The following CNTN5 variants were observed in gnomAD, a reference collection of about 807,000 sequenced individuals.
The protein encoded by CNTN5 is contactin 5, also known as contactin-5.
A neutral mutation model predicts 129.1 loss-of-function variants in CNTN5; 77 were observed. The observed-to-expected ratio is 0.60, with a 90% CI of 0.50 to 0.72. The LOEUF is 0.72. CNTN5 is among the 30% of genes least tolerant of loss of function. The pLI, the probability that CNTN5 is intolerant of heterozygous loss-of-function variation, is 0.00. For synonymous variants in CNTN5, 509 were observed against 465.6 expected, an observed-to-expected ratio of 1.09 and a Z score of -1.20; for missense variants, 1,478 against 1,328.8, an observed-to-expected ratio of 1.11 and a Z score of -1.75.
At chr11:99,174,000 T>TC in intron 1 of CNTN5, among the ~76,000 whole-genome samples, 1 of 133,536 alleles carries the variant, frequency 7.5e-6, no homozygotes, top group South Asian at 2.4e-4. Flanking sequence ...CAAAAATGCC[T>TC]TTTGTGTGTG....
chr11:99,328,107 C>A (rs1053503686), intron 2 of CNTN5, among the ~76,000 whole-genome samples: 4 of 152,110 alleles, frequency 2.6e-5, no homozygotes, highest in African/African-American at 9.7e-5. Flanking sequence ...ATCTAATGTT[C>A]ATCTTTAAAG....
chr11:99,901,879 G>T (rs1360259501), intron 6 of CNTN5, among the ~76,000 whole-genome samples: 1 of 152,172 alleles, frequency 6.6e-6, no homozygotes, highest in African/African-American at 2.4e-5. Context: ...TAAGGGTTCA[G>T]TGTAAGTTAA....
chr11:99,282,245 TGTATAATACAAATATGGA>T (rs1341793821), intron 1 of CNTN5, among the ~76,000 whole-genome samples: 10 of 152,058 alleles, frequency 6.6e-5, no homozygotes, highest in African/African-American at 2.4e-4. Flanking sequence ...AGTTAATATG[TGTATAATACAAATATGGA>T]CAATAAGCTA....
chr11:99,956,435 T>C (rs904425300), intron 7 of CNTN5, among the ~76,000 whole-genome samples: 1 of 152,198 alleles, frequency 6.6e-6, no homozygotes, highest in Non-Finnish European at 1.5e-5. Flanking sequence ...TATCTTCTTA[T>C]TCTACATTGT....
chr11:99,844,654 T>A (rs549170386), intron 4 of CNTN5, 198 bp from the exon 5 acceptor site: 2 of 569,642 alleles, frequency 3.5e-6, no homozygotes, highest in Non-Finnish European at 6.2e-6. Flanking sequence ...GCATTTTTAG[T>A]TGATTAAAAA....
intron 9 of CNTN5, among the ~76,000 whole-genome samples, chr11:100,051,262 T>C (rs1204968698): frequency 6.6e-6 from 1 of 152,066 alleles, no homozygotes; most frequent in East Asian, 1.9e-4. Context: ...AAACAAGTCT[T>C]ACCCCTAAAA....
chr11:99,878,871 A>AT (rs1176697817), intron 6 of CNTN5, among the ~76,000 whole-genome samples: 49 of 152,116 alleles, frequency 3.2e-4, no homozygotes, highest in Middle Eastern at 3.4e-3. Flanking sequence ...ATAATTAATA[A>AT]TTTTTTTTAA....
chr11:99,672,936 C>T (rs1953110205), intron 3 of CNTN5, among the ~76,000 whole-genome samples: 1 of 151,948 alleles, frequency 6.6e-6, no homozygotes, highest in African/African-American at 2.4e-5. Context: ...TCATAGGTAC[C>T]TCATAGATGG....
chr11:99,461,350 T>C (rs1256448614), intron 2 of CNTN5, among the ~76,000 whole-genome samples: 2 of 152,098 alleles, frequency 1.3e-5, no homozygotes, highest in East Asian at 3.8e-4. Context: ...TCGTTTCTGG[T>C]TTTCTCCTAC....
At chr11:99,660,589 T>C (rs943290996) in intron 3 of CNTN5, among the ~76,000 whole-genome samples, 7 of 152,086 alleles carry the variant, frequency 4.6e-5, no homozygotes, top group Non-Finnish European at 1.0e-4. Flanking sequence ...CAGGGGATCA[T>C]GGAAAGAAAG....
chr11:99,089,441 C>T (rs17132959), intron 1 of CNTN5, among the ~76,000 whole-genome samples: 9,519 of 152,198 alleles, frequency 0.063, 817 homozygotes, highest in East Asian at 0.35. Flanking sequence ...AATCATTATA[C>T]TCATTGTTTA....
chr11:99,479,295 GTTAT>G (rs886993661), intron 2 of CNTN5, among the ~76,000 whole-genome samples: 29 of 151,036 alleles, frequency 1.9e-4, no homozygotes, highest in Non-Finnish European at 3.0e-4. Flanking sequence ...ATAAGAAAAT[GTTAT>G]TTATTATGAA....
chr11:99,568,083 T>C (rs1243346655), intron 3 of CNTN5, among the ~76,000 whole-genome samples: 1 of 152,206 alleles, frequency 6.6e-6, no homozygotes, highest in African/African-American at 2.4e-5. Context: ...GTCAGCTAAA[T>C]ATTACTTTTT....
chr11:99,470,532 GT>G (rs1442249817), intron 2 of CNTN5, among the ~76,000 whole-genome samples: 1 of 151,904 alleles, frequency 6.6e-6, no homozygotes, highest in Non-Finnish European at 1.5e-5. Context: ...CTCTACACTG[GT>G]TCTATACTGG....
At chr11:99,916,185 C>T (rs1402152865) in intron 7 of CNTN5, 36 bp downstream of exon 7, 2 of 1,498,670 alleles carry the variant, frequency 1.3e-6, no homozygotes, top group South Asian at 1.2e-5. Flanking sequence ...GCTGCTGCTG[C>T]TCTCTTTTGC....
At chr11:99,332,639 G>C (rs1866047318) in intron 2 of CNTN5, among the ~76,000 whole-genome samples, 1 of 151,988 alleles carries the variant, frequency 6.6e-6, no homozygotes, top group Admixed American at 6.6e-5. Flanking sequence ...GAAAGAGAGA[G>C]TTAAAATGTA....
At chr11:100,053,439 A>C (rs1189541665) in intron 9 of CNTN5, among the ~76,000 whole-genome samples, 1 of 151,736 alleles carries the variant, frequency 6.6e-6, no homozygotes, top group Non-Finnish European at 1.5e-5. Flanking sequence ...CAAAGATTTG[A>C]GTATGCGAAT....
At position 99,300,472 on chromosome 11, in the gene CNTN5, G is replaced by C. The variant is rs143224568; in HGVS notation, c.-209-24874G>C. ...TTGCATACCTGGAATAAACCCATTTGATCATGGTGTATTATTTGTTTGATA... is the reference window on the plus strand; with the variant it reads ...TTGCATACCTGGAATAAACCCATTTCATCATGGTGTATTATTTGTTTGATA... On this transcript the variant is annotated intron_variant, in intron 1 of 24. Transcript: ENST00000524871. Among the ~76,000 whole-genome samples, 179 of 151,994 alleles carry C rather than the reference G, an allele frequency of 1.2e-3. 1 individual carries two copies. Among genetic ancestry groups the C allele is most frequent in the African/African-American group, 4.2e-3 (174 of 41,510 alleles).
At chr11:99,635,104 A>C (rs1337186244) in intron 3 of CNTN5, among the ~76,000 whole-genome samples, 1 of 152,162 alleles carries the variant, frequency 6.6e-6, no homozygotes, top group African/African-American at 2.4e-5. Flanking sequence ...CTAGAAAGAG[A>C]AGTCTTTTAC....
Sources: allele counts gnomAD v4.1 joint callset (sites outside exome capture counted in the v4.1 genomes callset), GRCh38; gene constraint gnomAD v4.1.1; transcripts MANE v1.5; gene names NCBI Gene and HGNC (gene_info 2026-07-23, HGNC 2026-07-21).